Variants in LDHC observed in about 807,000 individuals in gnomAD.
The protein encoded by LDHC is L-lactate dehydrogenase C chain.
In LDHC, 20 loss-of-function variants were observed where a neutral mutation model predicts 30.2. That is an observed-to-expected ratio of 0.66 (90% CI 0.47 to 0.96). The LOEUF (loss-of-function observed/expected upper bound fraction) is 0.96, where lower values mean the gene tolerates loss of function less well. Ranked by LOEUF, LDHC falls within the 40% of genes least tolerant of loss-of-function variation. The pLI, the probability that LDHC is intolerant of heterozygous loss-of-function variation, is 0.00. For synonymous variants in LDHC, 139 were observed against 132.7 expected, an observed-to-expected ratio of 1.05 and a Z score of -0.32; for missense variants, 362 against 394.9, an observed-to-expected ratio of 0.92 and a Z score of 0.71.
intron 4 of LDHC, among the ~76,000 whole-genome samples, chr11:18,431,303 A>T (rs931722791): frequency 1.4e-4 from 22 of 152,080 alleles, no homozygotes; most frequent in African/African-American, 5.3e-4. Context: ...TCTACTAAAA[A>T]TACAAAATTA....
In LDHC at chr11:18,451,182, A is replaced by G; in HGVS notation, c.*55A>G. On this transcript the variant is annotated 3_prime_UTR_variant, in exon 8 of 8. Coordinates refer to ENST00000541669, the MANE Select transcript of LDHC (RefSeq NM_017448.5). ...GAGAACAGAAGATAGCAGGCTGTGTATTTTAAATTTTGAAAGTATTTTCAT... is the reference window on the plus strand; with the variant it reads ...GAGAACAGAAGATAGCAGGCTGTGTGTTTTAAATTTTGAAAGTATTTTCAT... 2.6e-6 allele frequency: 3 copies of G among 1,160,156 alleles called. No homozygotes were observed. The highest frequency in any genetic ancestry group is 2.9e-5 in the East Asian group (1 of 34,946). 71.9% of individuals were successfully genotyped at this position (1,160,156 alleles called of 1,614,324 possible).
intron 2 of LDHC, among the ~76,000 whole-genome samples, chr11:18,414,336 C>T (rs1466728079): frequency 6.6e-6 from 1 of 152,148 alleles, no homozygotes; most frequent in East Asian, 1.9e-4. Flanking sequence ...GCTTGGAAAA[C>T]CAATGTTAAT....
intron 6 of LDHC, among the ~76,000 whole-genome samples, chr11:18,441,573 G>A (rs1393593025): frequency 2.0e-5 from 3 of 150,022 alleles, no homozygotes; most frequent in Admixed American, 6.6e-5. Context: ...CCAAAGTGCT[G>A]GGATTACAGG....
chr11:18,446,897 A>G (rs979776224), intron 7 of LDHC, among the ~76,000 whole-genome samples: 5 of 151,740 alleles, frequency 3.3e-5, no homozygotes, highest in Admixed American at 2.0e-4. Context: ...AGGTAAGGAA[A>G]ATCAGGGCAA....
At chr11:18,431,091 G>A (rs1446614048) in intron 4 of LDHC, among the ~76,000 whole-genome samples, 1 of 151,644 alleles carries the variant, frequency 6.6e-6, no homozygotes, top group Non-Finnish European at 1.5e-5. Context: ...CTGCACTCCA[G>A]CCTGAGTGGC....
At chr11:18,445,138 G>GAT (rs1848533922) in intron 6 of LDHC, among the ~76,000 whole-genome samples, 1 of 151,794 alleles carries the variant, frequency 6.6e-6, no homozygotes, top group African/African-American at 2.4e-5. Context: ...TCTTAGGAAA[G>GAT]ATATATACAC....
chr11:18,429,752 C>T lies in LDHC; in HGVS notation c.260C>T (p.Ala87Val). ...ITSGKDYSVS[A>V]NSRIVIVTAG... Reference sequence around the variant, plus strand: ...TCCTTTTTAGATTACAGTGTATCTGCAAACTCCAGAATAGTTATTGTCACA... The same window carrying T: ...TCCTTTTTAGATTACAGTGTATCTGTAAACTCCAGAATAGTTATTGTCACA... The change falls in exon 4 of 8, where the codon GCA (alanine) becomes GTA (valine). Residue 87 changes from alanine to valine, a missense_variant. Coordinates refer to ENST00000541669, the MANE Select transcript of LDHC (RefSeq NM_017448.5). 6.2e-7 allele frequency: 1 copy of T among 1,602,762 alleles called. No homozygotes were observed. The highest frequency in any genetic ancestry group is 8.5e-7 in the Non-Finnish European group (1 of 1,172,108).
Position 18,446,211 on chromosome 11 carries a change from G to A in LDHC, c.712G>A (p.Ala238Thr), listed in dbSNP as rs1330263492. Residue 238 changes from alanine (A) to threonine (T), a missense_variant and splice_region_variant, in exon 7 of 8, where the codon GCC (alanine) becomes ACC (threonine). Physicochemically the swap from Ala to Thr is moderately conservative, Grantham distance 58. Transcript: ENST00000541669. Reference sequence around the variant, plus strand: ...TTTTCTTACTTTCTACAACTGTAGTGCCTATGAAATTATCAAGCTGAAGGG... The same window carrying A: ...TTTTCTTACTTTCTACAACTGTAGTACCTATGAAATTATCAAGCTGAAGGG... Reference protein sequence around the residue: ...KNIHKQVIQSAYEIIKLKGYT... With the variant: ...KNIHKQVIQSTYEIIKLKGYT... 3 of 1,598,860 alleles carry A rather than the reference G, an allele frequency of 1.9e-6. No homozygotes were observed. In the African/African-American group the frequency reaches 4.0e-5, roughly 21 times the overall value.
At chr11:18,425,940 CAG>C (rs1423100442) in intron 3 of LDHC, among the ~76,000 whole-genome samples, 4 of 137,860 alleles carry the variant, frequency 2.9e-5, no homozygotes, top group African/African-American at 1.1e-4. Flanking sequence ...GACTCTGTCT[CAG>C]AAAAAAAAAG....
At chr11:18,432,031 C>T (rs1028335126) in intron 4 of LDHC, among the ~76,000 whole-genome samples, 5 of 151,936 alleles carry the variant, frequency 3.3e-5, no homozygotes, top group Admixed American at 6.6e-5. Context: ...GTTCTTGTTT[C>T]TCTAGTTCCT....
chr11:18,427,394 A>C (rs2896527), intron 3 of LDHC, among the ~76,000 whole-genome samples: 18,286 of 152,050 alleles, frequency 0.12, 1,573 homozygotes, highest in African/African-American at 0.24. Flanking sequence ...CAACAAAAAA[A>C]CGCTATTAGC....
rs1366446036 is a variant in LDHC at position 18,451,259 on chromosome 11, C to G, written c.*132C>G. On this transcript the variant is annotated 3_prime_UTR_variant, in exon 8 of 8. Coordinates refer to ENST00000541669, the MANE Select transcript of LDHC (RefSeq NM_017448.5). ...TGGAGACCTGTGACATAACTCTAGT[C>G]TCTCAAGATTAGAACGAGCAAATGG... 1 of 566,146 alleles carries G rather than the reference C, an allele frequency of 1.8e-6. No homozygotes were observed. Among genetic ancestry groups the G allele is most frequent in the Non-Finnish European group, 2.9e-6 (1 of 342,576 alleles). The allele number at this position is 566,146 out of a possible 1,614,324, so 35.1% of individuals were successfully genotyped here.
intron 5 of LDHC, among the ~76,000 whole-genome samples, chr11:18,435,189 T>G (rs1368690211): frequency 6.6e-6 from 1 of 152,154 alleles, no homozygotes; most frequent in Non-Finnish European, 1.5e-5. Context: ...TGTGATTTTT[T>G]AAAACAGCTT....
At chr11:18,414,412 G>A (rs1029086812) in intron 2 of LDHC, among the ~76,000 whole-genome samples, 1 of 152,114 alleles carries the variant, frequency 6.6e-6, no homozygotes, top group Non-Finnish European at 1.5e-5. Context: ...CCAGAAAAAG[G>A]GACACTAGAC....
chr11:18,429,116 C>CTTTTTTTTT (rs36038254), intron 3 of LDHC, among the ~76,000 whole-genome samples: 3 of 93,926 alleles, frequency 3.2e-5, no homozygotes, highest in Non-Finnish European at 5.8e-5. Flanking sequence ...TCATTTTGGT[C>CTTTTTTTTT]TTTTTTTTTT....
At chr11:18,418,679 G>A (rs181741025) in intron 3 of LDHC, among the ~76,000 whole-genome samples, 124 of 151,950 alleles carry the variant, frequency 8.2e-4, no homozygotes, top group Non-Finnish European at 1.6e-3. Context: ...CACCTGCCTC[G>A]GCCTCCCAAA....
chr11:18,423,142 TG>T (rs548983439), intron 3 of LDHC, among the ~76,000 whole-genome samples: 56 of 152,190 alleles, frequency 3.7e-4, no homozygotes, highest in African/African-American at 1.3e-3. Flanking sequence ...CTGGCCAACA[TG>T]GTGAAACCCT....
intron 6 of LDHC, among the ~76,000 whole-genome samples, chr11:18,445,679 A>T (rs191504861): frequency 6.0e-4 from 92 of 152,280 alleles, no homozygotes; most frequent in African/African-American, 2.1e-3. Context: ...ATTTTTACTT[A>T]AAAAAAGTAG....
chr11:18,446,472 C>A, intron 7 of LDHC, 139 bp downstream of exon 7: 2 of 624,856 alleles, frequency 3.2e-6, no homozygotes, highest in South Asian at 3.7e-5. Flanking sequence ...CAGGTCAGGT[C>A]AAAAAAATAC....
Sources: allele counts gnomAD v4.1 joint callset (sites outside exome capture counted in the v4.1 genomes callset), GRCh38; gene constraint gnomAD v4.1.1; transcripts MANE v1.5; gene names NCBI Gene and HGNC (gene_info 2026-07-23, HGNC 2026-07-21).